Variants in ENTPD1 observed in about 807,000 individuals in gnomAD.
The protein encoded by ENTPD1 is ATP diphosphohydrolase.
In ENTPD1, 33 loss-of-function variants were observed where a neutral mutation model predicts 57.0. That is an observed-to-expected ratio of 0.58 (90% CI 0.44 to 0.77). ENTPD1 has a LOEUF of 0.77. Among genes scored for constraint, ENTPD1 ranks in the 30% least tolerant of loss-of-function variants. ENTPD1 has a pLI of 0.00. For missense variants in ENTPD1, 501 were observed against 603.4 expected, an observed-to-expected ratio of 0.83 and a Z score of 1.78; for synonymous variants, 202 against 218.8, an observed-to-expected ratio of 0.92 and a Z score of 0.68.
chr10:95,855,061 T>C (rs1303986077), intron 7 of ENTPD1, among the ~76,000 whole-genome samples: 7 of 152,178 alleles, frequency 4.6e-5, no homozygotes, highest in Non-Finnish European at 8.8e-5. Context: ...ATTATTATTG[T>C]GTGGGAGTCT....
chr10:95,831,171 G>T (rs72815720), intron 2 of ENTPD1, among the ~76,000 whole-genome samples: 2 of 152,172 alleles, frequency 1.3e-5, no homozygotes, highest in African/African-American at 4.8e-5. Context: ...AGAAAACTCC[G>T]AATGCTTCTG....
chr10:95,727,519 C>G (rs904546906), intron 1 of ENTPD1, among the ~76,000 whole-genome samples: 17 of 152,174 alleles, frequency 1.1e-4, no homozygotes, highest in Non-Finnish European at 2.4e-4. Context: ...ACGTGTCAAT[C>G]AGTTATAAGG....
At chr10:95,826,711 G>A (rs1375702366) in intron 2 of ENTPD1, among the ~76,000 whole-genome samples, 1 of 152,176 alleles carries the variant, frequency 6.6e-6, no homozygotes, top group Non-Finnish European at 1.5e-5. Context: ...GGGGAGGTAC[G>A]TGGTGCAGGC....
Position 95,843,419 on chromosome 10 carries a change from C to T in ENTPD1, c.413+925C>T, listed in dbSNP as rs2098426572. On this transcript the variant is annotated intron_variant, in intron 4 of 9. Coordinates refer to ENST00000371205, the MANE Select transcript of ENTPD1 (RefSeq NM_001776.6). ...TAGTAGCAGCTCGTATTTATTGAGCCCGTCCTATGTTCTTAGCACTACGCT... is the reference window on the plus strand; with the variant it reads ...TAGTAGCAGCTCGTATTTATTGAGCTCGTCCTATGTTCTTAGCACTACGCT... The T allele has an allele frequency of 2.0e-5, 3 of 152,130 alleles. No individual in the cohort carries two copies. The South Asian group carries it at 6.2e-4, about 32-fold the overall frequency. 9.4% of individuals were successfully genotyped at this position (152,130 alleles called of 1,614,324 possible). A position where few individuals can be genotyped will look rare whatever the true frequency, so the allele number is the denominator to read the frequency against.
At chr10:95,834,011 A>T (rs760634742) in intron 2 of ENTPD1, among the ~76,000 whole-genome samples, 2 of 152,234 alleles carry the variant, frequency 1.3e-5, no homozygotes, top group South Asian at 4.1e-4. Flanking sequence ...TTGGAGGGGA[A>T]AACAGTCAAA....
chr10:95,864,453 A>G (rs2098470499), intron 8 of ENTPD1, among the ~76,000 whole-genome samples: 1 of 152,242 alleles, frequency 6.6e-6, no homozygotes, highest in Admixed American at 6.5e-5. Flanking sequence ...AGAACCTACT[A>G]GACCACAGGA....
In ENTPD1 at chr10:95,845,899, T is replaced by C. The variant is rs950293768; in HGVS notation, c.813+303T>C. The C allele has an allele frequency of 1.4e-4, 58 of 410,530 alleles. No homozygotes were observed. In the South Asian group the frequency reaches 1.4e-3, roughly 10 times the overall value. The allele number at this position is 410,530 out of a possible 1,614,324, so 25.4% of individuals were successfully genotyped here. On this transcript the variant is annotated intron_variant, in intron 6 of 9. Transcript: ENST00000371205. ...AATTATGTGGTAGAATATTGTTTGT[T>C]GGAGGGGGAATTGCAATTTATAAGC...
At chr10:95,834,944 T>C (rs1590074579) in intron 2 of ENTPD1, among the ~76,000 whole-genome samples, 2 of 152,032 alleles carry the variant, frequency 1.3e-5, no homozygotes, top group East Asian at 3.9e-4. Flanking sequence ...AATTTAAAAA[T>C]TTAATTTATT....
chr10:95,791,744 T>C lies in ENTPD1; in HGVS notation c.17-31493T>C, dbSNP rs1398584609. On this transcript the variant is annotated intron_variant, in intron 1 of 9. Transcript: ENST00000371205. This position sits in a 1 kb window ranked among gnomAD's most constrained non-coding sequence, Gnocchi z 4.1. ...AGAATCACCCGGCTGGGGGTAGAGG[T>C]GTTAAAAGTGAACAGTGCCTGGGCC... Among the ~76,000 whole-genome samples the C allele has an allele frequency of 1.3e-5, 2 of 152,026 alleles. No homozygotes were observed. The highest frequency in any genetic ancestry group is 2.4e-5 in the African/African-American group (1 of 41,374).
At chr10:95,798,299 G>A (rs1397894161) in intron 1 of ENTPD1, among the ~76,000 whole-genome samples, 1 of 152,138 alleles carries the variant, frequency 6.6e-6, no homozygotes. Flanking sequence ...AGCAAGTAGG[G>A]AGGTGGAGTT....
At chr10:95,835,324 T>A (rs2098407228) in intron 2 of ENTPD1, among the ~76,000 whole-genome samples, 1 of 152,248 alleles carries the variant, frequency 6.6e-6, no homozygotes, top group African/African-American at 2.4e-5. Flanking sequence ...CCACATTTTC[T>A]TTATACAATT....
chr10:95,763,839 A>G (rs2140024251), intron 1 of ENTPD1, among the ~76,000 whole-genome samples: 1 of 152,352 alleles, frequency 6.6e-6, no homozygotes, highest in East Asian at 1.9e-4. Flanking sequence ...ATTGGTTCGC[A>G]CACTATTCTA....
Position 95,842,395 on chromosome 10 carries a change from T to G in ENTPD1, c.314T>G (p.Leu105Arg). Residue 105 changes from leucine to arginine, a missense_variant, in exon 4 of 10, where the codon CTG becomes CGG. Physicochemically the swap from Leu to Arg is moderately radical, Grantham distance 102. Transcript: ENST00000371205. ...AAAGTAAATGAAATAGGCATTTACC[T>G]GACTGATTGCATGGAAAGAGCTAGG... is the stretch of plus-strand genomic sequence containing the variant. ...VQKVNEIGIY[L>R]TDCMERAREV... 6.2e-7 allele frequency: 1 copy of G among 1,614,160 alleles called. No individual in the cohort carries two copies. Among genetic ancestry groups the G allele is most frequent in the Non-Finnish European group, 8.5e-7 (1 of 1,180,016 alleles).
At chr10:95,825,328 AG>A (rs1375571767) in intron 2 of ENTPD1, among the ~76,000 whole-genome samples, 1 of 152,238 alleles carries the variant, frequency 6.6e-6, no homozygotes, top group Non-Finnish European at 1.5e-5. Flanking sequence ...TTTAATGAAT[AG>A]GGTGTATGAT....
Position 95,869,179 on chromosome 10 carries a change from T to A in ENTPD1, c.*2796T>A, listed in dbSNP as rs2141020260. The A allele has an allele frequency of 1.0e-6, 1 of 983,780 alleles. No homozygotes were observed. The highest frequency in any genetic ancestry group is 1.2e-6 in the Non-Finnish European group (1 of 829,598). The allele number at this position is 983,780 out of a possible 1,614,324, so 60.9% of individuals were successfully genotyped here. On this transcript the variant is annotated 3_prime_UTR_variant, in exon 10 of 10. Coordinates refer to ENST00000371205, the MANE Select transcript of ENTPD1 (RefSeq NM_001776.6). The stretch of plus-strand genomic sequence containing the variant: ...GAGGAACCTTTTAAAGATTCCTTTA[T>A]AAGGTGGGAGTTTTTTTTCTATGAA...
At chr10:95,765,497 T>C (rs1173358030) in intron 1 of ENTPD1, among the ~76,000 whole-genome samples, 1 of 152,242 alleles carries the variant, frequency 6.6e-6, no homozygotes, top group Non-Finnish European at 1.5e-5. Context: ...CAATTTCCCA[T>C]AAGTGTGAGC....
chr10:95,782,428 G>A (rs7909739), intron 1 of ENTPD1, among the ~76,000 whole-genome samples: 1 of 152,154 alleles, frequency 6.6e-6, no homozygotes, highest in African/African-American at 2.4e-5. Context: ...CAGAGACTAT[G>A]TCATATAAGG....
chr10:95,785,552 C>G (rs2098176183), intron 1 of ENTPD1, among the ~76,000 whole-genome samples: 1 of 152,168 alleles, frequency 6.6e-6, no homozygotes, highest in Non-Finnish European at 1.5e-5. Flanking sequence ...ACCAACCCAG[C>G]AACTTATGAA....
At chr10:95,798,385 G>C (rs1052255482) in intron 1 of ENTPD1, among the ~76,000 whole-genome samples, 1 of 152,130 alleles carries the variant, frequency 6.6e-6, no homozygotes, top group Non-Finnish European at 1.5e-5. Flanking sequence ...AACTAGTGTG[G>C]CATGGATCAG....
Sources: allele counts gnomAD v4.1 joint callset (sites outside exome capture counted in the v4.1 genomes callset), GRCh38; gene constraint gnomAD v4.1.1; non-coding constraint Gnocchi (gnomAD v3.1); transcripts MANE v1.5; gene names NCBI Gene and HGNC (gene_info 2026-07-23, HGNC 2026-07-21).